Variants in HPSE2 observed in about 807,000 individuals in gnomAD.
HPSE2 encodes the protein inactive heparanase-2.
A neutral mutation model predicts 60.5 loss-of-function variants in HPSE2; 38 were observed. The observed-to-expected ratio is 0.63, with a 90% CI of 0.48 to 0.82. The LOEUF (loss-of-function observed/expected upper bound fraction) is 0.82. HPSE2 is among the 40% of genes least tolerant of loss of function. HPSE2 has a pLI of 0.00. For missense variants in HPSE2, 713 were observed against 740.4 expected (o/e 0.96, Z 0.43); for synonymous variants, 295 against 293.2 (o/e 1.01, Z -0.06).
At chr10:98,477,250 T>C (rs1487700203) in intron 11 of HPSE2, among the ~76,000 whole-genome samples, 1 of 152,212 alleles carries the variant, frequency 6.6e-6, no homozygotes, top group Admixed American at 6.5e-5. Context: ...TTTTTCATTA[T>C]CTATAAAGTT....
chr10:98,936,197 T>A (rs1193832054), intron 3 of HPSE2, among the ~76,000 whole-genome samples: 1 of 144,258 alleles, frequency 6.9e-6, no homozygotes, highest in African/African-American at 2.8e-5. Flanking sequence ...CTTCTGTACT[T>A]GCAATGGGAA....
chr10:98,630,090 A>G (rs1946320022), intron 7 of HPSE2, among the ~76,000 whole-genome samples: 1 of 151,896 alleles, frequency 6.6e-6, no homozygotes. Context: ...ACCATCCCTT[A>G]GCTACCTCTT....
intron 3 of HPSE2, among the ~76,000 whole-genome samples, chr10:98,886,147 T>C (rs1229358912): frequency 1.3e-5 from 2 of 152,078 alleles, no homozygotes; most frequent in African/African-American, 4.8e-5. Context: ...GAGGTCTTAG[T>C]TCACCTCCCC....
At chr10:99,113,742 C>G (rs1357575210) in intron 3 of HPSE2, among the ~76,000 whole-genome samples, 1 of 151,786 alleles carries the variant, frequency 6.6e-6, no homozygotes, top group African/African-American at 2.4e-5. Context: ...TAATAACAGA[C>G]TTTTTTAACT....
intron 3 of HPSE2, among the ~76,000 whole-genome samples, chr10:98,906,950 G>A (rs1213826602): frequency 6.6e-6 from 1 of 151,850 alleles, no homozygotes; most frequent in African/African-American, 2.4e-5. Flanking sequence ...AGTAATGAAG[G>A]GCATTTATTC....
chr10:99,168,087 T>TACAC (rs56393224), intron 2 of HPSE2, among the ~76,000 whole-genome samples: 14,341 of 144,530 alleles, frequency 0.099, 998 homozygotes, highest in African/African-American at 0.19. Context: ...TCAGCCTATT[T>TACAC]ACACACACAC....
rs12255523 is a variant in HPSE2, at chr10:98,558,838, C to T, written c.1320+56066G>A. Among the ~76,000 whole-genome samples the T allele has an allele frequency of 1.8e-3, 274 of 152,308 alleles. 1 individual carries two copies. The highest frequency in any genetic ancestry group is 6.5e-3 in the African/African-American group (269 of 41,572). The stretch of plus-strand genomic sequence containing the variant: ...AGATTTCACCAAAAAATACATATTT[C>T]TGGCTTCTGAAAACATGTGAAGATC... On this transcript the variant is annotated intron_variant, in intron 9 of 11. Coordinates refer to ENST00000370552, the MANE Select transcript of HPSE2 (RefSeq NM_021828.5).
intron 3 of HPSE2, among the ~76,000 whole-genome samples, chr10:99,132,194 AGAGAGAGAGAGAGAGAGAGAGAGAGAG>A (rs1845439273): frequency 2.4e-5 from 1 of 41,490 alleles, no homozygotes; most frequent in African/African-American, 1.0e-4. Flanking sequence ...AGAAAGAAAG[AGAGAGAGAGAGAGAGAGAGAGAGAGAG>A]AGAGAGAGAG....
the HPSE2 span, among the ~76,000 whole-genome samples, chr10:99,271,324 C>T: frequency 6.6e-6 from 1 of 152,188 alleles, no homozygotes; most frequent in Non-Finnish European, 1.5e-5. Context: ...AAATCAGTAG[C>T]TCTGCTATAC....
chr10:98,969,260 T>A (rs1415711619), intron 3 of HPSE2, among the ~76,000 whole-genome samples: 1 of 152,168 alleles, frequency 6.6e-6, no homozygotes, highest in Non-Finnish European at 1.5e-5. Flanking sequence ...CATCTTGGCT[T>A]ATGGGAAACT....
rs184124233 is a variant in HPSE2, at chr10:98,918,021, G to A, written c.611-173965C>T. Among the ~76,000 whole-genome samples the A allele has an allele frequency of 7.5e-4, 114 of 152,232 alleles. 1 individual carries two copies. Among genetic ancestry groups the A allele is most frequent in the Non-Finnish European group, 1.1e-3 (78 of 68,020 alleles). ...CAGGCCGTCAACTCTTGCCTCTTGC[G>A]TCATCACATTTCTGTACACATATGT... On this transcript the variant is annotated intron_variant, in intron 3 of 11. Transcript: ENST00000370552.
chr10:98,578,958 T>C (rs1186920882), intron 9 of HPSE2, among the ~76,000 whole-genome samples: 1 of 152,172 alleles, frequency 6.6e-6, no homozygotes, highest in Non-Finnish European at 1.5e-5. Flanking sequence ...TGAGAGCCAT[T>C]GAAAAAAGAC....
At chr10:98,533,640 G>T (rs1036076452) in intron 9 of HPSE2, among the ~76,000 whole-genome samples, 24 of 152,284 alleles carry the variant, frequency 1.6e-4, no homozygotes, top group African/African-American at 5.3e-4. Flanking sequence ...CAGCAATGGG[G>T]TCAGCTGAGG....
chr10:98,560,501 C>T (rs548654421), intron 9 of HPSE2, among the ~76,000 whole-genome samples: 13 of 152,246 alleles, frequency 8.5e-5, no homozygotes, highest in Non-Finnish European at 1.6e-4. Context: ...CCCTAAGCAG[C>T]CTGAGACCAA....
intron 3 of HPSE2, among the ~76,000 whole-genome samples, chr10:98,789,731 T>C (rs1331493944): frequency 6.6e-6 from 1 of 152,154 alleles, no homozygotes. Context: ...GGCAAGTACT[T>C]TTTTTAAGGG....
chr10:98,911,404 T>C (rs954301436), intron 3 of HPSE2, among the ~76,000 whole-genome samples: 3 of 152,128 alleles, frequency 2.0e-5, no homozygotes, highest in African/African-American at 7.2e-5. Flanking sequence ...TAATTCTGCT[T>C]GGGAAAGCTG....
At chr10:98,721,926 G>GA (rs11352482) in intron 4 of HPSE2, 98 bp from the exon 5 acceptor site, 48,896 of 714,238 alleles carry the variant, frequency 0.068, 372 homozygotes, top group East Asian at 0.21. Context: ...TTAATAATAT[G>GA]AAAAAAAAAA....
At chr10:98,586,144 G>A (rs1156334060) in intron 9 of HPSE2, among the ~76,000 whole-genome samples, 1 of 152,142 alleles carries the variant, frequency 6.6e-6, no homozygotes, top group African/African-American at 2.4e-5. Flanking sequence ...TTAGGAAATT[G>A]TAAAAAGTAA....
chr10:98,714,339 C>G (rs1031256957), intron 5 of HPSE2, among the ~76,000 whole-genome samples: 6 of 149,634 alleles, frequency 4.0e-5, no homozygotes, highest in Non-Finnish European at 9.0e-5. Context: ...AAAAAGAAAC[C>G]CTGTATCCAT....
Sources: gnomAD v4.1 joint callset for allele counts (sites outside exome capture counted in the v4.1 genomes callset) on GRCh38, gnomAD v4.1.1 for gene constraint, MANE v1.5 for transcripts, NCBI Gene and HGNC (gene_info 2026-07-23, HGNC 2026-07-21) for gene names.